The following STK38 variants were observed in gnomAD, a reference collection of about 807,000 sequenced individuals.
STK38 encodes the protein serine/threonine kinase 38.
STK38 carries 26 observed loss-of-function variants against 59.0 expected under a neutral mutation model. The ratio of observed to expected loss-of-function variants is 0.44; its 90% CI spans 0.32 to 0.61. The LOEUF (loss-of-function observed/expected upper bound fraction) is 0.61, where lower values mean the gene tolerates loss of function less well. Ranked by LOEUF, STK38 falls within the 20% of genes least tolerant of loss-of-function variation. STK38 has a pLI of 0.04. For synonymous variants in STK38, 175 were observed against 176.6 expected (o/e 0.99, Z 0.07); for missense variants, 433 against 566.0 (o/e 0.76, Z 2.38).
intron 4 of STK38, 105 bp from the exon 5 acceptor site, chr6:36,521,922 T>A: frequency 1.2e-6 from 1 of 860,790 alleles, no homozygotes; most frequent in Non-Finnish European, 1.8e-6. Flanking sequence ...ATTACAATTT[T>A]AACATGAGCA....
intron 2 of STK38, among the ~76,000 whole-genome samples, chr6:36,526,915 C>T (rs1398600472): frequency 1.4e-5 from 2 of 145,924 alleles, no homozygotes; most frequent in East Asian, 2.1e-4. Flanking sequence ...ACAAAAAGGC[C>T]GGGCGTGGTG....
chr6:36,510,562 C>T (rs143198683), intron 7 of STK38, among the ~76,000 whole-genome samples: 39 of 152,328 alleles, frequency 2.6e-4, no homozygotes, highest in African/African-American at 8.4e-4. Context: ...CAGCCCTGAC[C>T]GCACCTCCCC....
chr6:36,507,077 G>A (rs1311721295), intron 8 of STK38, among the ~76,000 whole-genome samples: 1 of 152,188 alleles, frequency 6.6e-6, no homozygotes, highest in Admixed American at 6.5e-5. Context: ...TTTCTAGGAT[G>A]AACTGAAATT....
intron 2 of STK38, among the ~76,000 whole-genome samples, chr6:36,530,166 G>A (rs974472988): frequency 6.6e-6 from 1 of 151,804 alleles, no homozygotes; most frequent in African/African-American, 2.4e-5. Context: ...TCTGGAACCT[G>A]GGAGGCAGAG....
Position 36,506,546 on chromosome 6 carries a change from G to C in STK38, c.834+37C>G, listed in dbSNP as rs775423747. 4 of 1,590,284 alleles carry C rather than the reference G, an allele frequency of 2.5e-6. No individual in the cohort carries two copies. The East Asian group carries it at 8.9e-5, about 36-fold the overall frequency. On this transcript the variant is annotated intron_variant, in intron 9 of 13. Coordinates refer to ENST00000229812, the MANE Select transcript of STK38 (RefSeq NM_007271.4). ...AAATCTTTTGAACTTATTCATACTTGGTTTGTAGCATTTCAGAAGCCACAG... is the reference window on the plus strand; with the variant it reads ...AAATCTTTTGAACTTATTCATACTTCGTTTGTAGCATTTCAGAAGCCACAG...
chr6:36,532,309 T>TA (rs1359068323), intron 2 of STK38, among the ~76,000 whole-genome samples: 5,778 of 67,322 alleles, frequency 0.086, 333 homozygotes, highest in East Asian at 0.44. Context: ...CTTGTCTGCA[T>TA]AAAAAAAAAA....
intron 7 of STK38, among the ~76,000 whole-genome samples, chr6:36,514,305 C>T (rs1777192910): frequency 7.1e-6 from 1 of 139,866 alleles, no homozygotes; most frequent in South Asian, 2.2e-4. Flanking sequence ...CAGAATGAGA[C>T]CGTCTCAAAA....
chr6:36,544,802 GCAGAGGTTT>G (rs1224893815), intron 1 of STK38, among the ~76,000 whole-genome samples: 4 of 152,220 alleles, frequency 2.6e-5, no homozygotes, highest in African/African-American at 9.6e-5. Context: ...AGCTGGAGAG[GCAGAGGTTT>G]CAGTGAGTTT....
intron 2 of STK38, among the ~76,000 whole-genome samples, chr6:36,527,258 GTATATATGTACACATGTATACATATA>G: frequency 7.2e-6 from 1 of 139,188 alleles, no homozygotes; most frequent in African/African-American, 2.7e-5. Context: ...GTATACATAT[GTATATATGTACACATGTATACATATA>G]TACATATACA....
In STK38 at chr6:36,495,917, G is replaced by GTT. The variant is rs1163002066; in HGVS notation, c.1268-4_1268-3insAA. On this transcript the variant is annotated splice_region_variant and splice_polypyrimidine_tract_variant and intron_variant, in intron 13 of 13. Transcript: ENST00000229812. ...CTCAGGATGATTACTTGTGGCCACT[G>GTT]GGAAAGAAATAGATGTGAGAGTTGA... is the stretch of plus-strand genomic sequence containing the variant. 1 of 1,613,928 alleles carries GTT rather than the reference G, an allele frequency of 6.2e-7. No individual in the cohort carries two copies. The highest frequency in any genetic ancestry group is 1.7e-5 in the Admixed American group (1 of 60,006).
chr6:36,507,393 A>G lies in STK38; in HGVS notation c.772+107T>C, dbSNP rs578123713. On this transcript the variant is annotated intron_variant, in intron 8 of 13. Transcript: ENST00000229812. ...CTGGGAAGGTATTTTTATTCTCTAC[A>G]TACTCAAAGTGTGAGAATCTCCTAT... The G allele has an allele frequency of 5.3e-5, 49 of 923,590 alleles. No homozygotes were observed. In the East Asian group the frequency reaches 1.1e-3, roughly 22 times the overall value. 57.2% of individuals were successfully genotyped at this position (923,590 alleles called of 1,614,324 possible).
At chr6:36,512,975 CTTT>C (rs1218199485) in intron 7 of STK38, among the ~76,000 whole-genome samples, 1 of 151,788 alleles carries the variant, frequency 6.6e-6, no homozygotes, top group Non-Finnish European at 1.5e-5. Context: ...AATTTTTCTT[CTTT>C]AATACTGTCT....
rs577402323 is a variant in STK38 at position 36,527,979 on chromosome 6, G to A, written c.132-2337C>T. 5.3e-5 allele frequency among the ~76,000 whole-genome samples: 8 copies of A among 151,690 alleles called. No homozygotes were observed. In the East Asian group the frequency reaches 7.7e-4, roughly 15 times the overall value. ...AAAAAATTAGCCAGGTGTAGTGGCC[G>A]GCGCCTGTAGTCCCAGCTACTCGGG... On this transcript the variant is annotated intron_variant, in intron 2 of 13. Coordinates refer to ENST00000229812, the MANE Select transcript of STK38 (RefSeq NM_007271.4).
intron 11 of STK38, among the ~76,000 whole-genome samples, 195 bp from the exon 12 acceptor site, chr6:36,498,070 G>C (rs1162814420): frequency 6.6e-6 from 1 of 151,652 alleles, no homozygotes; most frequent in African/African-American, 2.4e-5. Context: ...CTCCCAAGTG[G>C]CTGGGACCAC....
intron 1 of STK38, among the ~76,000 whole-genome samples, chr6:36,546,422 T>C (rs775678067): frequency 6.6e-6 from 1 of 152,148 alleles, no homozygotes; most frequent in African/African-American, 2.4e-5. Context: ...CCAAATATAT[T>C]GCCTGGCTAA....
At chr6:36,528,849 G>C (rs910108034) in intron 2 of STK38, among the ~76,000 whole-genome samples, 1 of 152,206 alleles carries the variant, frequency 6.6e-6, no homozygotes, top group Non-Finnish European at 1.5e-5. Flanking sequence ...TATCCACTGT[G>C]TCACAAAAGT....
chr6:36,498,915 A>G (rs1366167553), intron 10 of STK38, among the ~76,000 whole-genome samples: 1 of 152,066 alleles, frequency 6.6e-6, no homozygotes, highest in Non-Finnish European at 1.5e-5. Context: ...TTTAATGACT[A>G]CTGGATTACT....
Position 36,540,234 on chromosome 6 carries a change from T to A in STK38, c.-5-27A>T, listed in dbSNP as rs768790735. 126 of 1,612,464 alleles carry A rather than the reference T, an allele frequency of 7.8e-5. 3 individuals carry two copies. In the South Asian group the frequency reaches 9.9e-4, roughly 13 times the overall value. On this transcript the variant is annotated intron_variant, in intron 1 of 13. Coordinates refer to ENST00000229812, the MANE Select transcript of STK38 (RefSeq NM_007271.4). Reference sequence around the variant, plus strand: ...TAGAAACAAAGAAAAGAAGAGGTGTTAGATTTGGAGTTAGAATCCACCCAG... The same window carrying A: ...TAGAAACAAAGAAAAGAAGAGGTGTAAGATTTGGAGTTAGAATCCACCCAG...
At position 36,513,296 on chromosome 6, in the gene STK38, G is replaced by A. The variant is rs570047340; in HGVS notation, c.669+2042C>T. ...GCCTCCCAAAGTGCTGGGATTACAG[G>A]TGTGAGCCACTGCGTCTGGCCTTTT... On this transcript the variant is annotated intron_variant, in intron 7 of 13. Transcript: ENST00000229812. Among the ~76,000 whole-genome samples the A allele has an allele frequency of 3.5e-5, 5 of 143,062 alleles. No individual in the cohort carries two copies. The East Asian group carries it at 8.6e-4, about 25-fold the overall frequency. 93.9% of individuals were successfully genotyped at this position (143,062 alleles called of 152,430 possible).
Sources: gnomAD v4.1 joint callset for allele counts (sites outside exome capture counted in the v4.1 genomes callset) on GRCh38, gnomAD v4.1.1 for gene constraint, MANE v1.5 for transcripts, NCBI Gene and HGNC (gene_info 2026-07-23, HGNC 2026-07-21) for gene names.